The following GLB1 variants were observed in gnomAD, a reference collection of about 807,000 sequenced individuals.
GLB1 encodes the protein beta-galactosidase.
In GLB1, 56 loss-of-function variants were observed where a neutral mutation model predicts 74.0. The ratio of observed to expected loss-of-function variants is 0.76; its 90% CI spans 0.61 to 0.94. The LOEUF is 0.94. Among genes scored for constraint, GLB1 ranks in the 40% least tolerant of loss-of-function variants. The pLI, the probability that GLB1 is intolerant of heterozygous loss-of-function variation, is 0.00. For missense variants in GLB1, 787 were observed against 845.5 expected (o/e 0.93, Z 0.86); for synonymous variants, 323 against 323.6 (o/e 1.00, Z 0.02).
At position 33,068,785 on chromosome 3, in the gene GLB1, A is replaced by G. The variant is rs1699788240; in HGVS notation, c.396+35T>C. 2.5e-6 allele frequency: 4 copies of G among 1,612,890 alleles called. No individual in the cohort carries two copies. In the South Asian group the frequency reaches 4.4e-5, roughly 18 times the overall value. ...CCAGAGCTGCTGCCTGCCAGCTCACACACACCAGGTAGAGCCCAGTCTAGC... is the reference window on the plus strand; with the variant it reads ...CCAGAGCTGCTGCCTGCCAGCTCACGCACACCAGGTAGAGCCCAGTCTAGC... On this transcript the variant is annotated intron_variant, in intron 3 of 15. Transcript: ENST00000307363.
chr3:32,969,797 T>C, the GLB1 span, among the ~76,000 whole-genome samples: 2 of 152,240 alleles, frequency 1.3e-5, no homozygotes, highest in African/African-American at 4.8e-5. Context: ...TAAGGCATCA[T>C]TTCCATGTGC....
the GLB1 span, among the ~76,000 whole-genome samples, chr3:32,979,780 G>A: frequency 2.7e-5 from 4 of 150,810 alleles, no homozygotes; most frequent in African/African-American, 9.8e-5. Flanking sequence ...GGAGCCCAGG[G>A]GGTCAAGGCT....
At chr3:33,056,860 G>T (rs1699244006) in intron 6 of GLB1, among the ~76,000 whole-genome samples, 1 of 152,124 alleles carries the variant, frequency 6.6e-6, no homozygotes, top group Non-Finnish European at 1.5e-5. Context: ...AAATTATACT[G>T]ATACAGTACT....
At chr3:33,013,535 G>A (rs1697112346) in intron 15 of GLB1, among the ~76,000 whole-genome samples, 1 of 152,184 alleles carries the variant, frequency 6.6e-6, no homozygotes, top group African/African-American at 2.4e-5. Context: ...AGAAGGCGGT[G>A]AAGGAAGATA....
chr3:33,007,906 G>T (rs1256844922), intron 15 of GLB1, among the ~76,000 whole-genome samples: 1 of 152,116 alleles, frequency 6.6e-6, no homozygotes, highest in Non-Finnish European at 1.5e-5. Flanking sequence ...ACACGGCTGG[G>T]GCTCAGGTAG....
At chr3:33,005,668 AT>A (rs954067905) in intron 15 of GLB1, among the ~76,000 whole-genome samples, 35 of 152,024 alleles carry the variant, frequency 2.3e-4, no homozygotes, top group African/African-American at 8.2e-4. Flanking sequence ...TAATTCAAAA[AT>A]TTTTTTTGTA....
chr3:33,031,415 G>A (rs1449413172), intron 10 of GLB1, among the ~76,000 whole-genome samples: 2 of 151,492 alleles, frequency 1.3e-5, no homozygotes, highest in African/African-American at 2.4e-5. Context: ...AGGCCAAGGC[G>A]GGTGGATCAC....
At chr3:33,074,164 C>T in intron 1 of GLB1, among the ~76,000 whole-genome samples, 1 of 117,798 alleles carries the variant, frequency 8.5e-6, no homozygotes, top group Non-Finnish European at 1.7e-5. Flanking sequence ...ATGGTGAAAC[C>T]CCGTCTCTAC....
At chr3:32,970,357 T>C in the GLB1 span, among the ~76,000 whole-genome samples, 1 of 152,084 alleles carries the variant, frequency 6.6e-6, no homozygotes, top group South Asian at 2.1e-4. Flanking sequence ...GTATTTGCCC[T>C]ATGAGATTTT....
chr3:33,009,122 A>AAATAAATAAAT (rs1696908372), intron 15 of GLB1, among the ~76,000 whole-genome samples: 3 of 137,510 alleles, frequency 2.2e-5, no homozygotes, highest in African/African-American at 8.0e-5. Flanking sequence ...TCCATCTTAA[A>AAATAAATAAAT]AAATAAATAA....
chr3:33,029,562 A>G lies in GLB1; in HGVS notation c.1069-5237T>C, dbSNP rs140274512. Among the ~76,000 whole-genome samples the G allele has an allele frequency of 1.1e-3, 164 of 152,336 alleles. 2 individuals are homozygous for G. The East Asian group carries it at 0.021, about 20-fold the overall frequency. The stretch of plus-strand genomic sequence containing the variant: ...CACGGAATCAACCTAAATGACAATC[A>G]ATGGTAGACTGGATAAAGAAAATGT... On this transcript the variant is annotated intron_variant, in intron 10 of 15. Transcript: ENST00000307363.
At chr3:33,091,801 T>C (rs948730338) in intron 1 of GLB1, 6 of 985,478 alleles carry the variant, frequency 6.1e-6, no homozygotes, top group Non-Finnish European at 7.2e-6. Flanking sequence ...CAAGCCTAAA[T>C]CACCCAGCAG....
chr3:32,963,114 G>A, the GLB1 span, among the ~76,000 whole-genome samples: 1 of 152,092 alleles, frequency 6.6e-6, no homozygotes, highest in Non-Finnish European at 1.5e-5. Context: ...GGGAAATCTA[G>A]TTTAGTATGA....
rs749980306 is a variant in GLB1 at position 33,046,150 on chromosome 3, C to A, written c.1038G>T (p.Lys346Asn). The A allele has an allele frequency of 3.1e-6, 5 of 1,613,590 alleles. No homozygotes were observed. Among genetic ancestry groups the A allele is most frequent in the Non-Finnish European group, 4.2e-6 (5 of 1,179,992 alleles). Residue 346 changes from lysine (K) to asparagine (N), a missense_variant, in exon 10 of 16, where the codon AAG becomes AAT. Coordinates refer to ENST00000307363, the MANE Select transcript of GLB1 (RefSeq NM_000404.4). ...GGATGATGTTTCGCAGAGCAAAATA[C>A]TTCTCAGTGAGGTCCCCAGCCTCAC... Reference protein sequence around the residue: ...PLSEAGDLTEKYFALRNIIQK... With the variant: ...PLSEAGDLTENYFALRNIIQK...
intron 10 of GLB1, chr3:33,045,412 T>C (rs865829870): frequency 6.1e-6 from 6 of 985,234 alleles, no homozygotes; most frequent in African/African-American, 3.5e-5. Context: ...TGGCTTAAGG[T>C]TGAAGAAATA....
intron 7 of GLB1, chr3:33,052,890 A>C (rs1180657037): frequency 5.6e-6 from 1 of 177,136 alleles, no homozygotes; most frequent in Non-Finnish European, 1.2e-5. Context: ...CAGGGTCTGC[A>C]CTGCTCACTA....
In GLB1 at chr3:33,093,242, G is replaced by GCCA. The variant is rs777009615; in HGVS notation, c.75+3766_75+3768dup. The GCCA allele has an allele frequency of 1.9e-5, 30 of 1,613,978 alleles. No individual in the cohort carries two copies. The highest frequency in any genetic ancestry group is 2.1e-5 in the Non-Finnish European group (25 of 1,180,004). On this transcript the variant is annotated intron_variant, in intron 1 of 15. Coordinates refer to ENST00000307363, the MANE Select transcript of GLB1 (RefSeq NM_000404.4). The surrounding 1 kb of genome is among the most constrained non-coding windows in gnomAD (Gnocchi z 6.0). ...CCTCATCCTCACTCCCACTGCCACT[G>GCCA]CCACCACCACCACGTTGGGCCCGTG...
chr3:33,088,344 T>G (rs1463818891), intron 1 of GLB1, among the ~76,000 whole-genome samples: 1 of 147,932 alleles, frequency 6.8e-6, no homozygotes, highest in Non-Finnish European at 1.5e-5. Flanking sequence ...TGATATAATC[T>G]TAGATGTAGG....
chr3:33,028,014 T>A (rs1697842171), intron 10 of GLB1, among the ~76,000 whole-genome samples: 1 of 152,028 alleles, frequency 6.6e-6, no homozygotes, highest in South Asian at 2.1e-4. Context: ...GATCCTCCTG[T>A]CTCAGCCTCC....
Sources: allele counts gnomAD v4.1 joint callset (sites outside exome capture counted in the v4.1 genomes callset), GRCh38; gene constraint gnomAD v4.1.1; non-coding constraint Gnocchi (gnomAD v3.1); transcripts MANE v1.5; gene names NCBI Gene and HGNC (gene_info 2026-07-23, HGNC 2026-07-21).